CEP295: variants seen among roughly 807,000 people sequenced by gnomAD.
CEP295 encodes centrosomal protein of 295 kDa.
A neutral mutation model predicts 291.6 loss-of-function variants in CEP295; 190 were observed. That is an observed-to-expected ratio of 0.65 (90% CI 0.58 to 0.73). The LOEUF (loss-of-function observed/expected upper bound fraction) is 0.73. Ranked by LOEUF, CEP295 falls within the 30% of genes least tolerant of loss-of-function variation. CEP295 has a pLI of 0.00. For missense variants in CEP295, 2,863 were observed against 2,949.4 expected, an observed-to-expected ratio of 0.97 and a Z score of 0.68; for synonymous variants, 993 against 1,038.8, an observed-to-expected ratio of 0.96 and a Z score of 0.85.
At chr11:93,678,902 G>A (rs1950828138) in intron 6 of CEP295, among the ~76,000 whole-genome samples, 1 of 152,062 alleles carries the variant, frequency 6.6e-6, no homozygotes, top group Admixed American at 6.5e-5. Flanking sequence ...TGTCACCCAG[G>A]CTGGAGTGCA....
In CEP295 at chr11:93,679,451, T is replaced by C. The variant is rs537398677; in HGVS notation, c.664T>C (p.Leu222=). ...GGCTGCTGAAGAGGAAGCTAAACGA[T>C]TGGAAGAACTACAAAAACAGGCAGC... ...RLAAEEEAKR[L]EELQKQAAQE... Residue 222 remains leucine, a synonymous_variant, in exon 7 of 30, where the codon TTG becomes CTG. Transcript: ENST00000325212. 1.3e-6 allele frequency: 2 copies of C among 1,551,380 alleles called. No individual in the cohort carries two copies. Among genetic ancestry groups the C allele is most frequent in the Non-Finnish European group, 1.7e-6 (2 of 1,146,798 alleles).
chr11:93,708,854 A>G (rs1013020552), intron 18 of CEP295, among the ~76,000 whole-genome samples: 3 of 152,184 alleles, frequency 2.0e-5, no homozygotes, highest in Non-Finnish European at 4.4e-5. Flanking sequence ...GACTGGCAGG[A>G]TATCTCAAAG....
rs540368658 is a variant in CEP295, at chr11:93,712,067, T to C, written c.5749+5170T>C. Among the ~76,000 whole-genome samples the C allele has an allele frequency of 3.3e-5, 5 of 152,206 alleles. No individual in the cohort carries two copies. In the South Asian group the frequency reaches 8.3e-4, roughly 25 times the overall value. ...GTGGGATGTTGAGGTCTCCAGCTAT[T>C]ATTTTACTGGGGTCTAGCTATCTCT... On this transcript the variant is annotated intron_variant, in intron 18 of 29. Transcript: ENST00000325212.
chr11:93,687,386 A>T (rs1951296058), intron 9 of CEP295, among the ~76,000 whole-genome samples: 2 of 152,148 alleles, frequency 1.3e-5, no homozygotes, highest in African/African-American at 4.8e-5. Flanking sequence ...TTTAGGCTTG[A>T]TATTTGTGTT....
chr11:93,691,340 T>C (rs955388148), intron 10 of CEP295, among the ~76,000 whole-genome samples: 2 of 152,248 alleles, frequency 1.3e-5, no homozygotes, highest in African/African-American at 2.4e-5. Context: ...TATCCAAATA[T>C]ATCAAAGATA....
chr11:93,662,758 G>C (rs554812291), intron 1 of CEP295, among the ~76,000 whole-genome samples: 1 of 152,308 alleles, frequency 6.6e-6, no homozygotes, highest in African/African-American at 2.4e-5. Context: ...ATGGGCAAAA[G>C]TATGATGAAA....
chr11:93,719,748 C>T (rs1054621596), intron 18 of CEP295: 1 of 152,080 alleles, frequency 6.6e-6, no homozygotes, highest in African/African-American at 2.4e-5. Context: ...ATAATTGTTA[C>T]ATAAACATTT....
chr11:93,702,706 T>C, intron 16 of CEP295, 69 bp downstream of exon 16: 1 of 1,533,142 alleles, frequency 6.5e-7, no homozygotes, highest in Non-Finnish European at 8.8e-7. Context: ...TGTAGCTTGC[T>C]AGTTGAAGAA....
chr11:93,706,720 A>T (rs1229376183), intron 17 of CEP295, 25 bp from the exon 18 acceptor site: 1 of 1,495,304 alleles, frequency 6.7e-7, no homozygotes, highest in Non-Finnish European at 8.9e-7. Context: ...CAGAAATTGA[A>T]GTGGAAATAT....
rs1391654037 is a variant in CEP295, at chr11:93,696,358, T to G, written c.1710T>G (p.Asp570Glu). ...CAGCATCATGCCCTGTAATTTCTGA[T>G]GAAGATAGTCATAGGCAGATGATTC... ...IAPASCPVIS[D>E]EDSHRQMIRN... Residue 570 changes from aspartate to glutamate, a missense_variant, in exon 14 of 30, where the codon GAT becomes GAG. Physicochemically the swap from Asp to Glu is conservative, Grantham distance 45. Around this residue, in one of 3 missense-constraint regions of CEP295, gnomAD observed 2,295 missense variants for 2,335.7 expected, o/e 0.98. Coordinates refer to ENST00000325212, the MANE Select transcript of CEP295 (RefSeq NM_033395.2). The G allele has an allele frequency of 2.6e-6, 4 of 1,550,942 alleles. No homozygotes were observed. The highest frequency in any genetic ancestry group is 8.7e-7 in the Non-Finnish European group (1 of 1,146,548).
chr11:93,710,005 A>T (rs1469779046), intron 18 of CEP295, among the ~76,000 whole-genome samples: 1 of 152,154 alleles, frequency 6.6e-6, no homozygotes, highest in Non-Finnish European at 1.5e-5. Context: ...CTGCAACCGT[A>T]CTGAATTTAT....
At position 93,696,416 on chromosome 11, in the gene CEP295, AG is replaced by A; in HGVS notation, c.1769+1del. ...NYQHQLLQQN[R>X]LHRQSVETAR... ...TCAACATCAGCTTTTACAACAAAAC[AG>A]GTATTAGCTAGGGTATAATTTATAT... On this transcript the variant is annotated frameshift_variant and splice_region_variant, in exon 14 of 30. Transcript: ENST00000325212. LOFTEE classifies it high-confidence loss of function. 6.6e-7 allele frequency: 1 copy of A among 1,508,334 alleles called. No individual in the cohort carries two copies. The highest frequency in any genetic ancestry group is 9.0e-7 in the Non-Finnish European group (1 of 1,108,152). 93.4% of individuals were successfully genotyped at this position (1,508,334 alleles called of 1,614,324 possible).
intron 8 of CEP295, 109 bp from the exon 9 acceptor site, chr11:93,683,855 G>T (rs2134967342): frequency 1.4e-6 from 2 of 1,413,432 alleles, no homozygotes; most frequent in South Asian, 2.7e-5. Context: ...GTTTGAAGGA[G>T]GCCCCCCATA....
At chr11:93,702,672 T>C (rs1346219835) in intron 16 of CEP295, 35 bp downstream of exon 16, 2 of 1,529,104 alleles carry the variant, frequency 1.3e-6, no homozygotes, top group African/African-American at 2.8e-5. Flanking sequence ...ATTATTTCAC[T>C]GATTATTCCT....
rs1334990634 is a variant in CEP295 at position 93,698,832 on chromosome 11, A to G, written c.3920A>G (p.Glu1307Gly). The G allele has an allele frequency of 6.4e-7, 1 of 1,551,744 alleles. No individual in the cohort carries two copies. Among genetic ancestry groups the G allele is most frequent in the Non-Finnish European group, 8.7e-7 (1 of 1,146,988 alleles). ...TCATTTACTTCGTTAGCTTCAGCTG[A>G]GTCTGGCACAATCCTGGAACCTCTT... ...QLSFTSLASA[E>G]SGTILEPLFT... Residue 1307 changes from glutamate (E) to glycine (G), a missense_variant, in exon 15 of 30, where the codon GAG becomes GGG. Transcript: ENST00000325212.
intron 12 of CEP295, among the ~76,000 whole-genome samples, chr11:93,694,516 A>G (rs1227074046): frequency 6.6e-6 from 1 of 152,202 alleles, no homozygotes; most frequent in Non-Finnish European, 1.5e-5. Flanking sequence ...TCTCTTTGAC[A>G]TATCAAAATT....
chr11:93,697,659 C>T lies in CEP295; in HGVS notation c.2747C>T (p.Thr916Ile), dbSNP rs1380870842. 8.4e-6 allele frequency: 13 copies of T among 1,551,730 alleles called. No homozygotes were observed. In the East Asian group the frequency reaches 2.9e-4, roughly 35 times the overall value. ...DLGRIQESSP[T>I]KNNIAVSSDH... ...GGGAGAATCCAGGAATCTTCACCAACCAAGAATAATATTGCAGTTTCCTCA... is the reference window on the plus strand; with the variant it reads ...GGGAGAATCCAGGAATCTTCACCAATCAAGAATAATATTGCAGTTTCCTCA... Residue 916 changes from threonine to isoleucine, a missense_variant, in exon 15 of 30, where the codon ACC becomes ATC. This residue lies in a region of CEP295 where 2,295 missense variants were observed against 2,335.7 expected (regional missense o/e 0.98). Transcript: ENST00000325212.
rs1565227403 is a variant in CEP295 at position 93,728,687 on chromosome 11, G to C, written c.7168G>C (p.Glu2390Gln). ...TTTTAATTGTGGTTCACAGGAAACA[G>C]AAACTGGCCATGGTATAATGGAAGA... ...LQSSIPVWETETGHGIMEEPE... is the reference protein window; with the variant it reads ...LQSSIPVWETQTGHGIMEEPE... The change falls in exon 25 of 30, where the codon GAA (glutamate) becomes CAA (glutamine). Residue 2390 changes from glutamate (E) to glutamine (Q), a missense_variant. Glu to Gln is a conservative substitution (Grantham distance 29). Transcript: ENST00000325212. 1.3e-6 allele frequency: 2 copies of C among 1,532,478 alleles called. No homozygotes were observed. The highest frequency in any genetic ancestry group is 1.4e-5 in the African/African-American group (1 of 71,920). 94.9% of individuals were successfully genotyped at this position (1,532,478 alleles called of 1,614,324 possible). A position where few individuals can be genotyped will look rare whatever the true frequency, so the allele number is the denominator to read the frequency against.
At chr11:93,700,963 G>T (rs777731417) in intron 15 of CEP295, among the ~76,000 whole-genome samples, 1 of 152,090 alleles carries the variant, frequency 6.6e-6, no homozygotes, top group Non-Finnish European at 1.5e-5. Flanking sequence ...TGGACCTGCT[G>T]CTTTTATCTG....
Sources: gnomAD v4.1 joint callset for allele counts (sites outside exome capture counted in the v4.1 genomes callset) on GRCh38, gnomAD v4.1.1 for gene constraint, gnomAD v4.1.1 regional missense constraint, MANE v1.5 for transcripts, NCBI Gene and HGNC (gene_info 2026-07-23, HGNC 2026-07-21) for gene names.